The following LRRC8B variants were observed in gnomAD, a reference collection of about 807,000 sequenced individuals.
LRRC8B encodes the protein leucine rich repeat containing 8 VRAC subunit B, also known as volume-regulated anion channel subunit LRRC8B.
In LRRC8B, 23 loss-of-function variants were observed where a neutral mutation model predicts 58.8. That is an observed-to-expected ratio of 0.39 (90% CI 0.28 to 0.55). The LOEUF (loss-of-function observed/expected upper bound fraction) is 0.55. Ranked by LOEUF, LRRC8B falls within the 20% of genes least tolerant of loss-of-function variation. The pLI, the probability that LRRC8B is intolerant of heterozygous loss-of-function variation, is 0.62. For synonymous variants in LRRC8B, 359 were observed against 374.1 expected, an observed-to-expected ratio of 0.96 and a Z score of 0.47; for missense variants, 694 against 936.0, an observed-to-expected ratio of 0.74 and a Z score of 3.37.
chr1:89,526,599 C>A (rs1398865173), intron 1 of LRRC8B, among the ~76,000 whole-genome samples: 1 of 152,188 alleles, frequency 6.6e-6, no homozygotes, highest in African/African-American at 2.4e-5. Flanking sequence ...TGACAGCCAA[C>A]CCCCAAGGTA....
chr1:89,543,773 GA>G (rs1651199014), intron 1 of LRRC8B, among the ~76,000 whole-genome samples: 2 of 149,634 alleles, frequency 1.3e-5, no homozygotes, highest in African/African-American at 4.9e-5. Context: ...TGGGATTACA[GA>G]CATGAGCCAC....
intron 1 of LRRC8B, among the ~76,000 whole-genome samples, chr1:89,550,587 A>T (rs1447169613): frequency 1.3e-5 from 2 of 152,222 alleles, no homozygotes; most frequent in African/African-American, 2.4e-5. Context: ...TATGTTAATT[A>T]TTAGCCTTGC....
Position 89,584,293 on chromosome 1 carries a change from G to A in LRRC8B, c.1643G>A (p.Ser548Asn). ...CTAAGGACCCTGTACTTGAAGAGCA[G>A]CCTCTCCCGGATCCCACAAGTTGTT... Reference protein sequence around the residue: ...KNLRTLYLKSSLSRIPQVVTD... With the variant: ...KNLRTLYLKSNLSRIPQVVTD... Residue 548 changes from serine (S) to asparagine (N), a missense_variant, in exon 5 of 6, where the codon AGC (serine) becomes AAC (asparagine). Around this residue, in one of 5 missense-constraint regions of LRRC8B, gnomAD observed 162 missense variants for 198.5 expected, o/e 0.82. Transcript: ENST00000330947. 1 of 1,614,034 alleles carries A rather than the reference G, an allele frequency of 6.2e-7. No individual in the cohort carries two copies. Among genetic ancestry groups the A allele is most frequent in the Non-Finnish European group, 8.5e-7 (1 of 1,180,034 alleles).
At position 89,584,162 on chromosome 1, in the gene LRRC8B, C is replaced by T; in HGVS notation, c.1512C>T (p.Arg504=). The part of the protein sequence containing the change: ...LKFTEMGKIP[R]WVFHLKNLKE... ...TTACTGAAATGGGAAAAATCCCACG[C>T]TGGGTATTTCACCTCAAGAATCTCA... The change falls in exon 5 of 6, where the codon CGC becomes CGT. Residue 504 remains arginine, a synonymous_variant. Transcript: ENST00000330947. 1 of 1,612,052 alleles carries T rather than the reference C, an allele frequency of 6.2e-7. No homozygotes were observed. The highest frequency in any genetic ancestry group is 8.5e-7 in the Non-Finnish European group (1 of 1,180,004).
intron 1 of LRRC8B, among the ~76,000 whole-genome samples, chr1:89,560,251 T>G (rs927827245): frequency 6.6e-6 from 1 of 152,212 alleles, no homozygotes; most frequent in Non-Finnish European, 1.5e-5. Flanking sequence ...TAATGGTTAC[T>G]TTCCTTGATT....
In LRRC8B at chr1:89,583,530, C is replaced by T; in HGVS notation, c.880C>T (p.Gln294Ter). ...TGAAATCGACTGTTCAGTTGATGTGCAGGCTTTTACAGGATATAAGCGCTA... is the reference window on the plus strand; with the variant it reads ...TGAAATCGACTGTTCAGTTGATGTGTAGGCTTTTACAGGATATAAGCGCTA... Reference protein sequence around the residue: ...TLEIDCSVDVQAFTGYKRYQC... With the variant: ...TLEIDCSVDV The change falls in exon 5 of 6, where the codon CAG becomes TAG. Residue 294 changes from glutamine (Q) to a stop codon, truncating the protein, a stop_gained. Transcript: ENST00000330947. LOFTEE classifies it high-confidence loss of function. The surrounding 1 kb of genome is among the most constrained non-coding windows in gnomAD (Gnocchi z 5.2). The T allele has an allele frequency of 6.2e-7, 1 of 1,612,764 alleles. No homozygotes were observed. The highest frequency in any genetic ancestry group is 8.5e-7 in the Non-Finnish European group (1 of 1,180,032).
rs147697781 is a variant in LRRC8B, at chr1:89,579,004, G to C, written c.-124-587G>C. ...ATATTTCTGAGCTGTATCTGAAAAA[G>C]TATATTAACTTATCACTTTTTCTAA... On this transcript the variant is annotated intron_variant, in intron 3 of 5. Transcript: ENST00000330947. Among the ~76,000 whole-genome samples the C allele has an allele frequency of 1.7e-4, 26 of 152,204 alleles. No individual in the cohort carries two copies. The East Asian group carries it at 3.7e-3, about 21-fold the overall frequency.
At chr1:89,550,681 A>T (rs901230640) in intron 1 of LRRC8B, among the ~76,000 whole-genome samples, 2 of 152,188 alleles carry the variant, frequency 1.3e-5, no homozygotes, top group African/African-American at 4.8e-5. Context: ...TTTATAACAG[A>T]GCCTTTCACC....
intron 1 of LRRC8B, among the ~76,000 whole-genome samples, chr1:89,548,852 A>G (rs549934068): frequency 6.6e-6 from 1 of 152,288 alleles, no homozygotes; most frequent in South Asian, 2.1e-4. Context: ...AATACCCTTC[A>G]GGGCTCTGCA....
chr1:89,589,346 C>T (rs1469408956), intron 5 of LRRC8B, among the ~76,000 whole-genome samples: 1 of 152,164 alleles, frequency 6.6e-6, no homozygotes, highest in Non-Finnish European at 1.5e-5. Flanking sequence ...AGTGATTCCA[C>T]ATGGGGTACA....
At chr1:89,581,080 A>T (rs140339324) in intron 4 of LRRC8B, among the ~76,000 whole-genome samples, 1,678 of 152,192 alleles carry the variant, frequency 0.011, 34 homozygotes, top group African/African-American at 0.038. Context: ...TCATGAGGTC[A>T]GGAGTTCGAG....
At chr1:89,573,976 A>C (rs1320813383) in intron 3 of LRRC8B, among the ~76,000 whole-genome samples, 1 of 152,244 alleles carries the variant, frequency 6.6e-6, no homozygotes, top group African/African-American at 2.4e-5. Flanking sequence ...GGTGTGGAGT[A>C]ATTTCCAAGG....
chr1:89,560,903 G>A (rs1461881502), intron 1 of LRRC8B, among the ~76,000 whole-genome samples: 1 of 152,148 alleles, frequency 6.6e-6, no homozygotes, highest in Non-Finnish European at 1.5e-5. Flanking sequence ...TATATACCCA[G>A]TAATGGGATG....
intron 1 of LRRC8B, among the ~76,000 whole-genome samples, chr1:89,546,205 A>G (rs1283514832): frequency 6.6e-6 from 1 of 152,012 alleles, no homozygotes; most frequent in Non-Finnish European, 1.5e-5. Context: ...ATGGTGGGGG[A>G]GGATTTGTGA....
At position 89,529,958 on chromosome 1, in the gene LRRC8B, C is replaced by A. The variant is rs543428604; in HGVS notation, c.-241+4936C>A. ...GATGATGAGCAAAAATGCACATGTT[C>A]CCCACCCTCGTGGAGATCTGGGACC... On this transcript the variant is annotated intron_variant, in intron 1 of 5. Coordinates refer to ENST00000330947, the MANE Select transcript of LRRC8B (RefSeq NM_001369817.2). 3.3e-5 allele frequency among the ~76,000 whole-genome samples: 5 copies of A among 152,120 alleles called. No individual in the cohort carries two copies. In the South Asian group the frequency reaches 1.0e-3, roughly 32 times the overall value.
intron 1 of LRRC8B, among the ~76,000 whole-genome samples, chr1:89,540,627 A>G (rs1489382788): frequency 6.6e-6 from 1 of 152,154 alleles, no homozygotes; most frequent in East Asian, 1.9e-4. Flanking sequence ...GAGCTTGGAG[A>G]TACATTTATA....
chr1:89,535,177 A>G (rs1650439466), intron 1 of LRRC8B, among the ~76,000 whole-genome samples: 1 of 152,144 alleles, frequency 6.6e-6, no homozygotes, highest in African/African-American at 2.4e-5. Flanking sequence ...ATTGAGTTAG[A>G]AGTAGATTCC....
At chr1:89,529,720 A>G (rs1167295835) in intron 1 of LRRC8B, among the ~76,000 whole-genome samples, 2 of 152,160 alleles carry the variant, frequency 1.3e-5, no homozygotes, top group Admixed American at 6.5e-5. Flanking sequence ...AATTTTTTCT[A>G]TATATTTTGT....
At chr1:89,548,152 T>G (rs1055730126) in intron 1 of LRRC8B, among the ~76,000 whole-genome samples, 2 of 152,248 alleles carry the variant, frequency 1.3e-5, no homozygotes, top group African/African-American at 4.8e-5. Context: ...TTGATTACAT[T>G]TCACAAAGAG....
Sources: allele counts gnomAD v4.1 joint callset (sites outside exome capture counted in the v4.1 genomes callset), GRCh38; gene constraint gnomAD v4.1.1; regional missense constraint gnomAD v4.1.1; non-coding constraint Gnocchi (gnomAD v3.1); transcripts MANE v1.5; gene names NCBI Gene and HGNC (gene_info 2026-07-23, HGNC 2026-07-21).